Variants in CDH12 observed in about 807,000 individuals in gnomAD.
The protein encoded by CDH12 is cadherin 12.
A neutral mutation model predicts 74.1 loss-of-function variants in CDH12; 41 were observed. The observed-to-expected ratio is 0.55, with a 90% CI of 0.43 to 0.72. CDH12 has a LOEUF of 0.72. CDH12 is among the 30% of genes least tolerant of loss of function. CDH12 has a pLI of 0.00. For synonymous variants in CDH12, 399 were observed against 355.0 expected (o/e 1.12, Z -1.39); for missense variants, 945 against 977.2 (o/e 0.97, Z 0.44).
intron 3 of CDH12, among the ~76,000 whole-genome samples, chr5:22,344,412 TAAC>T (rs1171178588): frequency 6.6e-6 from 1 of 152,190 alleles, no homozygotes; most frequent in Non-Finnish European, 1.5e-5. Flanking sequence ...AATAAAATAA[TAAC>T]AATATGAATG....
At chr5:21,878,308 C>T (rs1174308964) in intron 6 of CDH12, among the ~76,000 whole-genome samples, 1 of 152,154 alleles carries the variant, frequency 6.6e-6, no homozygotes, top group African/African-American at 2.4e-5. Context: ...AATGCAATTA[C>T]TCAAAGCAGA....
At chr5:21,818,385 A>G (rs1252233887) in intron 8 of CDH12, among the ~76,000 whole-genome samples, 1 of 152,058 alleles carries the variant, frequency 6.6e-6, no homozygotes, top group East Asian at 1.9e-4. Context: ...TGAGAAAAAA[A>G]TCAATCACAT....
intron 5 of CDH12, among the ~76,000 whole-genome samples, chr5:22,065,989 C>A (rs1741528841): frequency 6.6e-6 from 1 of 152,040 alleles, no homozygotes; most frequent in Non-Finnish European, 1.5e-5. Context: ...AGGTCAGGTA[C>A]ACAAAGTCTA....
intron 1 of CDH12, among the ~76,000 whole-genome samples, chr5:22,519,058 A>T (rs769873417): frequency 5.3e-5 from 8 of 152,096 alleles, no homozygotes; most frequent in Non-Finnish European, 8.8e-5. Flanking sequence ...CCACCAGAGA[A>T]AGACAGAAGA....
chr5:21,753,694 A>G (rs939516596), intron 14 of CDH12, among the ~76,000 whole-genome samples: 2 of 152,102 alleles, frequency 1.3e-5, no homozygotes, highest in Non-Finnish European at 2.9e-5. Flanking sequence ...GTGTCAATAT[A>G]CACTGCTGTA....
intron 8 of CDH12, among the ~76,000 whole-genome samples, chr5:21,818,632 T>A (rs991261448): frequency 3.3e-5 from 5 of 151,948 alleles, no homozygotes; most frequent in Non-Finnish European, 7.4e-5. Context: ...TGATTTGGTC[T>A]CAAGAGAGCT....
At chr5:22,380,611 C>A (rs1010707567) in intron 3 of CDH12, among the ~76,000 whole-genome samples, 2 of 151,902 alleles carry the variant, frequency 1.3e-5, no homozygotes, top group Non-Finnish European at 2.9e-5. Flanking sequence ...AAAAACTACA[C>A]GCATTTTCTT....
In CDH12 at chr5:22,599,297, G is replaced by T. The variant is rs538390909; in HGVS notation, c.-522-93933C>A. 1.3e-3 allele frequency among the ~76,000 whole-genome samples: 200 copies of T among 152,240 alleles called. 2 individuals are homozygous for T. Among genetic ancestry groups the T allele is most frequent in the African/African-American group, 4.5e-3 (186 of 41,566 alleles). On this transcript the variant is annotated intron_variant, in intron 1 of 14. Transcript: ENST00000382254. The stretch of plus-strand genomic sequence containing the variant: ...CAGAAGAATACTGGGCTGGTGATAA[G>T]ATTCGGGAATAGGCAACACTGGTAG...
intron 3 of CDH12, among the ~76,000 whole-genome samples, chr5:22,259,617 G>A (rs1753441756): frequency 6.6e-6 from 1 of 151,910 alleles, no homozygotes; most frequent in Non-Finnish European, 1.5e-5. Flanking sequence ...CTGAAACTGA[G>A]AATAATGAAA....
intron 3 of CDH12, among the ~76,000 whole-genome samples, chr5:22,291,061 G>A (rs540656271): frequency 1.0e-3 from 158 of 151,922 alleles, no homozygotes; most frequent in African/African-American, 1.8e-3. Context: ...AGGATGATTC[G>A]GCATACATAA....
intron 6 of CDH12, chr5:21,883,414 C>T (rs1752462680): frequency 1.9e-6 from 3 of 1,572,862 alleles, no homozygotes; most frequent in Admixed American, 3.3e-5. Flanking sequence ...GTGATAATCG[C>T]TGAAGATGTT....
chr5:22,579,509 G>A (rs984536762), intron 1 of CDH12, among the ~76,000 whole-genome samples: 1 of 151,972 alleles, frequency 6.6e-6, no homozygotes, highest in Non-Finnish European at 1.5e-5. Flanking sequence ...TTTATGATTT[G>A]TATGTGTTTT....
intron 4 of CDH12, among the ~76,000 whole-genome samples, chr5:22,105,640 G>A (rs1264996998): frequency 2.6e-5 from 4 of 151,770 alleles, no homozygotes. Flanking sequence ...AGAGGTTGCA[G>A]TGGGCTGAGA....
In CDH12 at chr5:21,975,326, G is replaced by A. The variant is rs111835226; in HGVS notation, c.291C>T (p.Gly97=). The part of the protein sequence containing the change: ...GTVKYTLSGD[G]AGTVFTIDET... Reference sequence around the variant, plus strand: ...CATCAATGGTAAAAACGGTGCCAGCGCCATCTCCTGAGAGGGTGTATTTCA... The same window carrying A: ...CATCAATGGTAAAAACGGTGCCAGCACCATCTCCTGAGAGGGTGTATTTCA... Residue 97 remains glycine, a synonymous_variant, in exon 6 of 15, where the codon GGC becomes GGT. Coordinates refer to ENST00000382254, the MANE Select transcript of CDH12 (RefSeq NM_004061.5). 27 of 1,596,924 alleles carry A rather than the reference G, an allele frequency of 1.7e-5. No homozygotes were observed. Among genetic ancestry groups the A allele is most frequent in the African/African-American group, 1.3e-4 (10 of 74,796 alleles).
chr5:22,602,244 T>A (rs1207132778), intron 1 of CDH12, among the ~76,000 whole-genome samples: 1 of 151,920 alleles, frequency 6.6e-6, no homozygotes, highest in African/African-American at 2.4e-5. Context: ...TGCCACGGAG[T>A]TTTATTCAAC....
intron 5 of CDH12, among the ~76,000 whole-genome samples, chr5:22,009,955 A>AAAAAAAAG (rs1235264573): frequency 6.6e-6 from 1 of 151,000 alleles, no homozygotes; most frequent in African/African-American, 2.4e-5. Context: ...AAAAAAAAAA[A>AAAAAAAAG]AAAAGAAAAA....
At chr5:22,806,810 T>C (rs1237101931) in intron 1 of CDH12, among the ~76,000 whole-genome samples, 1 of 152,186 alleles carries the variant, frequency 6.6e-6, no homozygotes, top group East Asian at 1.9e-4. Context: ...TTTGCCTACT[T>C]TTTGATGGGG....
At chr5:21,997,688 A>C (rs1396941373) in intron 5 of CDH12, among the ~76,000 whole-genome samples, 1 of 152,144 alleles carries the variant, frequency 6.6e-6, no homozygotes, top group Non-Finnish European at 1.5e-5. Flanking sequence ...AAGATTCTCT[A>C]CTTTCTACTT....
chr5:22,757,182 T>C (rs1745969430), intron 1 of CDH12, among the ~76,000 whole-genome samples: 1 of 152,268 alleles, frequency 6.6e-6, no homozygotes, highest in African/African-American at 2.4e-5. Flanking sequence ...TAGATGTAGA[T>C]AAAAGCTATC....
Sources: gnomAD v4.1 joint callset for allele counts (sites outside exome capture counted in the v4.1 genomes callset) on GRCh38, gnomAD v4.1.1 for gene constraint, MANE v1.5 for transcripts, NCBI Gene and HGNC (gene_info 2026-07-23, HGNC 2026-07-21) for gene names.